The following NINL variants were observed in gnomAD, a reference collection of about 807,000 sequenced individuals.
NINL encodes the protein ninein-like protein.
In NINL, 153 loss-of-function variants were observed where a neutral mutation model predicts 160.3. That is an observed-to-expected ratio of 0.95 (90% CI 0.84 to 1.09). NINL has a LOEUF of 1.09. NINL is among the 50% of genes least tolerant of loss of function. NINL has a pLI of 0.00. For missense variants in NINL, 1,829 were observed against 1,764.0 expected, an observed-to-expected ratio of 1.04 and a Z score of -0.66; for synonymous variants, 800 against 734.8, an observed-to-expected ratio of 1.09 and a Z score of -1.43.
In NINL at chr20:25,480,397, T is replaced by C. The variant is rs2063362873; in HGVS notation, c.1811-130A>G. Reference sequence around the variant, plus strand: ...GTGGTGCTGGCTGTGAGGATGACGCTGCGTCCTTAAAGTCAGCACTCGTCA... The same window carrying C: ...GTGGTGCTGGCTGTGAGGATGACGCCGCGTCCTTAAAGTCAGCACTCGTCA... On this transcript the variant is annotated intron_variant, in intron 14 of 23. Coordinates refer to ENST00000278886, the MANE Select transcript of NINL (RefSeq NM_025176.6). The C allele has an allele frequency of 2.2e-5, 15 of 684,000 alleles. No homozygotes were observed. In the East Asian group the frequency reaches 3.2e-4, roughly 15 times the overall value. The allele number at this position is 684,000 out of a possible 1,614,324, so 42.4% of individuals were successfully genotyped here. A position where few individuals can be genotyped will look rare whatever the true frequency, so the allele number is the denominator to read the frequency against.
At chr20:25,494,284 C>G (rs890773978) in intron 10 of NINL, among the ~76,000 whole-genome samples, 8 of 151,512 alleles carry the variant, frequency 5.3e-5, no homozygotes, top group Non-Finnish European at 1.2e-4. Context: ...GGAACACTCA[C>G]AGCACCCCCA....
At chr20:25,544,692 T>C (rs1332463450) in intron 1 of NINL, among the ~76,000 whole-genome samples, 1 of 152,120 alleles carries the variant, frequency 6.6e-6, no homozygotes, top group African/African-American at 2.4e-5. Flanking sequence ...AACTCCCTCC[T>C]TTTCTACCCA....
chr20:25,572,271 C>T (rs2147175429), intron 1 of NINL, among the ~76,000 whole-genome samples: 1 of 150,896 alleles, frequency 6.6e-6, no homozygotes, highest in Middle Eastern at 3.4e-3. Flanking sequence ...AGTCAAGTGA[C>T]CTTAAAGGTT....
rs559251978 is a variant in NINL at position 25,516,403 on chromosome 20, T to C, written c.277+1350A>G. On this transcript the variant is annotated intron_variant, in intron 3 of 23. Coordinates refer to ENST00000278886, the MANE Select transcript of NINL (RefSeq NM_025176.6). ...AAAGAAAAAGAAAGAAAAAATAGAATTGAAACAGGTGAGAAAAAGCACAAG... is the reference window on the plus strand; with the variant it reads ...AAAGAAAAAGAAAGAAAAAATAGAACTGAAACAGGTGAGAAAAAGCACAAG... Among the ~76,000 whole-genome samples, 9 of 152,312 alleles carry C rather than the reference T, an allele frequency of 5.9e-5. No individual in the cohort carries two copies. In the East Asian group the frequency reaches 1.7e-3, roughly 29 times the overall value.
At chr20:25,469,868 G>T in intron 18 of NINL, 123 bp downstream of exon 18, 1 of 700,316 alleles carries the variant, frequency 1.4e-6, no homozygotes. Context: ...ATGGTTTAGG[G>T]TTTTCTGGAA....
At chr20:25,483,335 C>CAA (rs11477331) in intron 13 of NINL, among the ~76,000 whole-genome samples, 3 of 140,728 alleles carry the variant, frequency 2.1e-5, no homozygotes, top group African/African-American at 5.2e-5. Context: ...TCTGTCTCAA[C>CAA]AAAAAAAAAA....
At chr20:25,529,524 G>T (rs1424503793) in intron 1 of NINL, among the ~76,000 whole-genome samples, 1 of 152,174 alleles carries the variant, frequency 6.6e-6, no homozygotes, top group Non-Finnish European at 1.5e-5. Context: ...GTAGACAGAG[G>T]TTCAGACAGG....
chr20:25,553,762 C>A (rs1002564993), intron 1 of NINL, among the ~76,000 whole-genome samples: 1 of 152,208 alleles, frequency 6.6e-6, no homozygotes, highest in Admixed American at 6.5e-5. Flanking sequence ...TCAACAGGCA[C>A]GATGGGAAGA....
chr20:25,561,985 G>A (rs942393176), intron 1 of NINL, among the ~76,000 whole-genome samples: 13 of 147,294 alleles, frequency 8.8e-5, no homozygotes, highest in African/African-American at 2.3e-4. Flanking sequence ...CACCCCATCC[G>A]GGAGGTGAGA....
rs541982384 is a variant in NINL at position 25,504,930 on chromosome 20, A to G, written c.666T>C (p.Ala222=). 1 of 1,612,308 alleles carries G rather than the reference A, an allele frequency of 6.2e-7. No individual in the cohort carries two copies. The highest frequency in any genetic ancestry group is 1.1e-5 in the South Asian group (1 of 91,012). ...GGAGCCCGACGCTCTGGCAGACCACAGCCAGCTCCTGCTCGCTCAGGTGTC... is the reference window on the plus strand; with the variant it reads ...GGAGCCCGACGCTCTGGCAGACCACGGCCAGCTCCTGCTCGCTCAGGTGTC... ...SSGHLSEQEL[A]VVCQSVGLQG... is the part of the protein sequence containing the mutation. The change falls in exon 6 of 24, where the codon GCT becomes GCC. Residue 222 remains alanine (A), a synonymous_variant. Transcript: ENST00000278886.
intron 12 of NINL, 56 bp downstream of exon 12, chr20:25,489,819 C>T (rs1031583556): frequency 7.4e-6 from 11 of 1,480,402 alleles, no homozygotes; most frequent in Admixed American, 5.0e-5. Flanking sequence ...CCGCCACCCC[C>T]ACTCTGCCCA....
chr20:25,461,023 C>T (rs2062772976), intron 21 of NINL, among the ~76,000 whole-genome samples: 1 of 152,216 alleles, frequency 6.6e-6, no homozygotes, highest in Non-Finnish European at 1.5e-5. Flanking sequence ...TGCCCCTGCA[C>T]ACACCTGTCT....
intron 8 of NINL, chr20:25,498,879 A>C (rs2063811824): frequency 1.0e-6 from 1 of 982,114 alleles, no homozygotes; most frequent in East Asian, 1.1e-4. Flanking sequence ...TGAAGAATAC[A>C]CTAATAAACT....
chr20:25,477,163 G>C (rs2063279290), intron 16 of NINL, 74 bp from the exon 17 acceptor site: 1 of 1,388,874 alleles, frequency 7.2e-7, no homozygotes. Flanking sequence ...AGTCTGCCCA[G>C]CTGTTGCAAC....
Position 25,482,008 on chromosome 20 carries a change from CGGGCTCCATGAG to C in NINL, c.1758_1769del (p.Ser587_Pro590del), listed in dbSNP as rs1250810676. 5.0e-6 allele frequency: 8 copies of C among 1,598,448 alleles called. No homozygotes were observed. Among genetic ancestry groups the C allele is most frequent in the Non-Finnish European group, 6.8e-6 (8 of 1,179,688 alleles). On this transcript the variant is annotated inframe_deletion, in exon 14 of 24. Transcript: ENST00000278886. ...CAGGGAGCTGCCGTCTGCGCCCATC[CGGGCTCCATGAG>C]GGGCTGTGCCGGTTCTTGGGCAGCC...
chr20:25,585,098 G>T (rs1026005197), intron 1 of NINL, among the ~76,000 whole-genome samples: 2 of 152,136 alleles, frequency 1.3e-5, no homozygotes, highest in African/African-American at 4.8e-5. Context: ...TCATTACCAC[G>T]GGGGGCCCCG....
At chr20:25,559,851 C>T (rs1482919534) in intron 1 of NINL, among the ~76,000 whole-genome samples, 9 of 152,086 alleles carry the variant, frequency 5.9e-5, no homozygotes, top group Non-Finnish European at 1.3e-4. Flanking sequence ...ACACAATCTT[C>T]CCCCTTCAGC....
At chr20:25,581,366 C>T (rs1032558188) in intron 1 of NINL, among the ~76,000 whole-genome samples, 11 of 151,612 alleles carry the variant, frequency 7.3e-5, no homozygotes, top group African/African-American at 2.2e-4. Flanking sequence ...CGCTTGAACC[C>T]GGGAGGCAGA....
chr20:25,551,245 T>C (rs887926333), intron 1 of NINL, among the ~76,000 whole-genome samples: 1 of 152,236 alleles, frequency 6.6e-6, no homozygotes, highest in Admixed American at 6.5e-5. Flanking sequence ...GAAGAATTTT[T>C]CTTAGTACAG....
Sources: allele counts gnomAD v4.1 joint callset (sites outside exome capture counted in the v4.1 genomes callset), GRCh38; gene constraint gnomAD v4.1.1; transcripts MANE v1.5; gene names NCBI Gene and HGNC (gene_info 2026-07-23, HGNC 2026-07-21).